The following IL1RAPL2 variants were observed in gnomAD, a reference collection of about 807,000 sequenced individuals.
The protein encoded by IL1RAPL2 is interleukin 1 receptor accessory protein like 2, also known as X-linked interleukin-1 receptor accessory protein-like 2.
In IL1RAPL2, 3 loss-of-function variants were observed where a neutral mutation model predicts 44.1. The observed-to-expected ratio is 0.07, with a 90% CI of 0.03 to 0.18. IL1RAPL2 has a LOEUF of 0.18. IL1RAPL2 is among the 10% of genes least tolerant of loss of function. The pLI is 1.00. For synonymous variants in IL1RAPL2, 181 were observed against 178.8 expected (o/e 1.01, Z -0.10); for missense variants, 391 against 496.4 (o/e 0.79, Z 2.02).
At chrX:105,379,238 C>T (rs2035411138) in intron 5 of IL1RAPL2, among the ~76,000 whole-genome samples, 1 of 110,985 alleles carries the variant, frequency 9.0e-6, no homozygotes, top group South Asian at 3.8e-4. Flanking sequence ...GAGGGAGTGA[C>T]CTTGAGGGAT....
At chrX:105,160,673 G>C (rs1461977824) in intron 2 of IL1RAPL2, among the ~76,000 whole-genome samples, 1 of 111,339 alleles carries the variant, frequency 9.0e-6, no homozygotes, top group Non-Finnish European at 1.9e-5. Context: ...AGAATGTAGG[G>C]GAGAGGGAAG....
intron 4 of IL1RAPL2, among the ~76,000 whole-genome samples, chrX:105,238,511 T>C (rs2034141556): frequency 9.1e-6 from 1 of 110,308 alleles, no homozygotes; most frequent in African/African-American, 3.3e-5. Context: ...TTTTTTTTTG[T>C]AAGGGTTAGA....
Position 105,199,707 on chromosome X carries a change from T to C in IL1RAPL2, c.356+3959T>C, listed in dbSNP as rs782717474. Among the ~76,000 whole-genome samples, 12 of 112,047 alleles carry C rather than the reference T, an allele frequency of 1.1e-4. No homozygotes were observed. The East Asian group carries it at 3.4e-3, about 32-fold the overall frequency. ...GGTTCTCAACTCACATCTAGACCAA[T>C]AGAAGATAAAAGAATTCCACTAAGA... is the stretch of plus-strand genomic sequence containing the variant. On this transcript the variant is annotated intron_variant, in intron 3 of 10. Coordinates refer to ENST00000372582, the MANE Select transcript of IL1RAPL2 (RefSeq NM_017416.2).
At position 105,441,720 on chromosome X, in the gene IL1RAPL2, C is replaced by T. The variant is rs142222606; in HGVS notation, c.698-42593C>T. ...TTCCCAAAGACATATAAACATGACC[C>T]TGACAAATGAATGTGCTGGAAGCTG... On this transcript the variant is annotated intron_variant, in intron 5 of 10. Coordinates refer to ENST00000372582, the MANE Select transcript of IL1RAPL2 (RefSeq NM_017416.2). Among the ~76,000 whole-genome samples the T allele has an allele frequency of 8.6e-3, 957 of 111,778 alleles. 7 individuals carry two copies. Among genetic ancestry groups the T allele is most frequent in the Non-Finnish European group, 0.014 (730 of 53,152 alleles).
chrX:105,431,154 A>T (rs1157941507), intron 5 of IL1RAPL2, among the ~76,000 whole-genome samples: 1 of 112,282 alleles, frequency 8.9e-6, no homozygotes, highest in Non-Finnish European at 1.9e-5. Context: ...TTATCTAAAT[A>T]TTTACTGAGG....
At chrX:105,315,067 C>G (rs964952113) in intron 5 of IL1RAPL2, among the ~76,000 whole-genome samples, 41 of 111,491 alleles carry the variant, frequency 3.7e-4, no homozygotes, top group African/African-American at 1.2e-3. Flanking sequence ...GGACAATGAC[C>G]AAAATGAGAA....
intron 2 of IL1RAPL2, among the ~76,000 whole-genome samples, chrX:104,921,058 C>T (rs1472093602): frequency 9.0e-6 from 1 of 111,375 alleles, no homozygotes; most frequent in Non-Finnish European, 1.9e-5. Context: ...CCCGGGACAC[C>T]ATATTCCCAC....
intron 2 of IL1RAPL2, among the ~76,000 whole-genome samples, chrX:104,679,359 T>G (rs1290681159): frequency 1.8e-5 from 2 of 111,782 alleles, no homozygotes; most frequent in Non-Finnish European, 3.8e-5. Flanking sequence ...ATGACCTTTG[T>G]TTTTGCAGTT....
chrX:105,306,598 C>A (rs1471722922), intron 5 of IL1RAPL2, among the ~76,000 whole-genome samples: 2 of 111,589 alleles, frequency 1.8e-5, no homozygotes, highest in Admixed American at 1.9e-4. Context: ...TATAGAATGT[C>A]CTTCAATTTG....
intron 2 of IL1RAPL2, among the ~76,000 whole-genome samples, chrX:104,892,027 G>A (rs1402169920): frequency 6.3e-5 from 7 of 111,483 alleles, no homozygotes; most frequent in Non-Finnish European, 1.3e-4. Context: ...TTTGTGACAG[G>A]CCTTTTCTGC....
chrX:105,454,897 A>ATT (rs2036044718), intron 5 of IL1RAPL2, among the ~76,000 whole-genome samples: 1 of 106,911 alleles, frequency 9.4e-6, no homozygotes, highest in Non-Finnish European at 1.9e-5. Flanking sequence ...GCCATGCTAC[A>ATT]GTCTTAAAAA....
chrX:104,647,883 C>A, intron 1 of IL1RAPL2: 1 of 635,844 alleles, frequency 1.6e-6, no homozygotes, highest in South Asian at 2.3e-5. Flanking sequence ...CAGAATCGGT[C>A]AAAGATGACA....
chrX:105,273,662 T>C (rs1459502131), intron 5 of IL1RAPL2, among the ~76,000 whole-genome samples: 1 of 112,077 alleles, frequency 8.9e-6, no homozygotes, highest in Non-Finnish European at 1.9e-5. Context: ...TCAAATCATA[T>C]GCCTACATGG....
intron 6 of IL1RAPL2, among the ~76,000 whole-genome samples, chrX:105,624,856 A>G (rs1210966049): frequency 8.9e-6 from 1 of 112,169 alleles, no homozygotes; most frequent in Non-Finnish European, 1.9e-5. Flanking sequence ...AACTAATGAT[A>G]CTTATCTAAA....
chrX:104,638,751 T>A (rs1929875638), intron 1 of IL1RAPL2, among the ~76,000 whole-genome samples: 1 of 112,315 alleles, frequency 8.9e-6, no homozygotes, highest in Non-Finnish European at 1.9e-5. Context: ...TTAAAAACAA[T>A]ATGTTGAGAT....
intron 2 of IL1RAPL2, among the ~76,000 whole-genome samples, chrX:104,987,449 C>T (rs775158528): frequency 1.3e-3 from 132 of 104,478 alleles, no homozygotes; most frequent in Non-Finnish European, 2.2e-3. Context: ...AAAAAAAAGA[C>T]AAGGAACATT....
chrX:104,871,276 A>G (rs1922754895), intron 2 of IL1RAPL2, among the ~76,000 whole-genome samples: 1 of 111,691 alleles, frequency 9.0e-6, no homozygotes, highest in Non-Finnish European at 1.9e-5. Flanking sequence ...CTTTTATAAT[A>G]AAGTTTCCTT....
At chrX:104,765,188 G>T (rs371658442) in intron 2 of IL1RAPL2, among the ~76,000 whole-genome samples, 2 of 110,903 alleles carry the variant, frequency 1.8e-5, no homozygotes, top group Admixed American at 9.6e-5. Context: ...AGCTTTTTTT[G>T]TTTTGTTTTG....
chrX:104,971,258 G>T (rs1200652039), intron 2 of IL1RAPL2, among the ~76,000 whole-genome samples: 2 of 111,167 alleles, frequency 1.8e-5, no homozygotes, highest in Admixed American at 1.9e-4. Flanking sequence ...TGAGACAAGA[G>T]AATTGCTTGA....
Sources: gnomAD v4.1 joint callset for allele counts (sites outside exome capture counted in the v4.1 genomes callset) on GRCh38, gnomAD v4.1.1 for gene constraint, MANE v1.5 for transcripts, NCBI Gene and HGNC (gene_info 2026-07-23, HGNC 2026-07-21) for gene names.